Variants in EEF2 observed in about 807,000 individuals in gnomAD.
EEF2 encodes eukaryotic translation elongation factor 2.
Under a neutral mutation model 85.3 loss-of-function variants are expected in EEF2, and 21 were observed. The observed-to-expected ratio is 0.25, with a 90% CI of 0.17 to 0.35. EEF2 has a LOEUF of 0.35. Among genes scored for constraint, EEF2 ranks in the 10% least tolerant of loss-of-function variants. The pLI is 1.00. For synonymous variants in EEF2, 723 were observed against 508.8 expected, an observed-to-expected ratio of 1.42 and a Z score of -5.67; for missense variants, 825 against 1,225.3, an observed-to-expected ratio of 0.67 and a Z score of 4.88.
At position 3,982,812 on chromosome 19, in the gene EEF2, T is replaced by C. The variant is rs1365378061; in HGVS notation, c.607A>G (p.Ile203Val). ...GEGESGPMGN[I>V]MIDPVLGTVG... Reference sequence around the variant, plus strand: ...CCAGCTAGGGAGGGCCGTACCATGATGTTGCCCATGGGGCCGCTCTCGCCC... The same window carrying C: ...CCAGCTAGGGAGGGCCGTACCATGACGTTGCCCATGGGGCCGCTCTCGCCC... The change falls in exon 4 of 15, where the codon ATC (isoleucine) becomes GTC (valine). Residue 203 changes from isoleucine (I) to valine (V), a missense_variant. Physicochemically the swap from Ile to Val is conservative, Grantham distance 29. Transcript: ENST00000309311. The C allele has an allele frequency of 2.0e-5, 33 of 1,610,496 alleles. No homozygotes were observed. In the Admixed American group the frequency reaches 5.5e-4, roughly 27 times the overall value.
At chr19:3,979,698 T>G in intron 10 of EEF2, 110 bp downstream of exon 10, 2 of 1,488,508 alleles carry the variant, frequency 1.3e-6, no homozygotes, top group Non-Finnish European at 9.0e-7. Context: ...CCTCCTTTCA[T>G]GACCAGTCAC....
rs894399684 is a variant in EEF2 at position 3,979,562 on chromosome 19, G to A, written c.1606-126C>T. On this transcript the variant is annotated intron_variant, in intron 10 of 14. Transcript: ENST00000309311. ...TTTCAGGGAAGGTGCTGGGAAACTG[G>A]GACCAGCACAAACTCCTGAAGAAAT... The A allele has an allele frequency of 7.2e-6, 7 of 967,520 alleles. No homozygotes were observed. The Admixed American group carries it at 7.3e-5, about 10-fold the overall frequency. 59.9% of individuals were successfully genotyped at this position (967,520 alleles called of 1,614,324 possible). A position where few individuals can be genotyped will look rare whatever the true frequency, so the allele number is the denominator to read the frequency against.
intron 4 of EEF2, 177 bp from the exon 5 acceptor site, chr19:3,982,601 G>A (rs759476594): frequency 5.7e-6 from 6 of 1,061,406 alleles, no homozygotes; most frequent in Admixed American, 1.8e-5. Context: ...ACCACCCAGG[G>A]CAGCGTTCCC....
At chr19:3,979,490 A>ACCAGGCTC (rs1418079159) in intron 10 of EEF2, 54 bp from the exon 11 acceptor site, 2 of 1,486,076 alleles carry the variant, frequency 1.3e-6, no homozygotes, top group African/African-American at 1.4e-5. Context: ...AACAGGCGGG[A>ACCAGGCTC]CCAGGCTCCC....
Position 3,977,080 on chromosome 19 carries a change from A to T in EEF2, c.2383+135T>A. 1 of 1,328,596 alleles carries T rather than the reference A, an allele frequency of 7.5e-7. No individual in the cohort carries two copies. Among genetic ancestry groups the T allele is most frequent in the Non-Finnish European group, 1.0e-6 (1 of 985,238 alleles). The allele number at this position is 1,328,596 out of a possible 1,614,324, so 82.3% of individuals were successfully genotyped here. On this transcript the variant is annotated intron_variant, in intron 14 of 14. Coordinates refer to ENST00000309311, the MANE Select transcript of EEF2 (RefSeq NM_001961.4). The surrounding 1 kb of genome is among the most constrained non-coding windows in gnomAD (Gnocchi z 5.4). The stretch of plus-strand genomic sequence containing the variant: ...ATTTAGGGGGTCCACAAGCTGTCAG[A>T]AACTGGACCACCTGCTCCATCCATC...
In EEF2 at chr19:3,980,567, C is replaced by T. The variant is rs745557210; in HGVS notation, c.1293G>A (p.Gly431=). The change falls in exon 9 of 15, where the codon GGG becomes GGA. Residue 431 remains glycine, a synonymous_variant. Coordinates refer to ENST00000309311, the MANE Select transcript of EEF2 (RefSeq NM_001961.4). ...CCTTCTTCCCAGGGGTATAGTTGGG[C>T]CCCATGATCCTGACCTTCAGGCCAG... The part of the protein sequence containing the change: ...VSTGLKVRIM[G]PNYTPGKKED... 3.2e-5 allele frequency: 51 copies of T among 1,614,098 alleles called. No homozygotes were observed. The highest frequency in any genetic ancestry group is 4.2e-5 in the Non-Finnish European group (49 of 1,180,032).
chr19:3,983,935 A>C, intron 2 of EEF2: 1 of 610,920 alleles, frequency 1.6e-6, no homozygotes. Flanking sequence ...TCCTCAAGAA[A>C]ACCTTCCAGC....
intron 11 of EEF2, among the ~76,000 whole-genome samples, chr19:3,978,499 G>A (rs1029558422): frequency 1.3e-5 from 2 of 152,202 alleles, no homozygotes; most frequent in Admixed American, 1.3e-4. Flanking sequence ...AAGACAGCAG[G>A]ATGTAACTCA....
chr19:3,981,640 G>C (rs901975405), intron 6 of EEF2, among the ~76,000 whole-genome samples, 188 bp from the exon 7 acceptor site: 5 of 152,238 alleles, frequency 3.3e-5, no homozygotes, highest in African/African-American at 1.2e-4. Context: ...CCTCGTGGTG[G>C]AGCAGAGGAA....
Position 3,980,543 on chromosome 19 carries a change from C to T in EEF2, c.1317G>A (p.Lys439=), listed in dbSNP as rs2039732494. The T allele has an allele frequency of 3.1e-6, 5 of 1,614,072 alleles. No individual in the cohort carries two copies. Among genetic ancestry groups the T allele is most frequent in the South Asian group, 2.2e-5 (2 of 91,080 alleles). ...GGATTGGCTTCAGGTAGAGGTCCTC[C>T]TTCTTCCCAGGGGTATAGTTGGGCC... ...IMGPNYTPGK[K]EDLYLKPIQR... The change falls in exon 9 of 15, where the codon AAG becomes AAA. Residue 439 remains lysine, a synonymous_variant. Transcript: ENST00000309311.
rs375148431 is a variant in EEF2, at chr19:3,984,398, C to T, written c.4-48G>A. Reference sequence around the variant, plus strand: ...GACCAGCTCGTGATTTCCAGGAACACAGCATGGCACGGAGCGTTCAGTCCA... The same window carrying T: ...GACCAGCTCGTGATTTCCAGGAACATAGCATGGCACGGAGCGTTCAGTCCA... On this transcript the variant is annotated intron_variant, in intron 1 of 14. Coordinates refer to ENST00000309311, the MANE Select transcript of EEF2 (RefSeq NM_001961.4). 100 of 1,589,158 alleles carry T rather than the reference C, an allele frequency of 6.3e-5. No homozygotes were observed. The Admixed American group carries it at 1.7e-3, about 27-fold the overall frequency.
chr19:3,980,444 A>C (rs768740633), intron 9 of EEF2, 70 bp downstream of exon 9: 164 of 1,516,092 alleles, frequency 1.1e-4, no homozygotes, highest in Non-Finnish European at 1.4e-4. Flanking sequence ...CCGACTGAGG[A>C]GCCCAAGACT....
chr19:3,979,967 C>T lies in EEF2; in HGVS notation c.1446G>A (p.Thr482=), dbSNP rs748267250. 5.0e-6 allele frequency: 8 copies of T among 1,613,826 alleles called. No individual in the cohort carries two copies. Among genetic ancestry groups the T allele is most frequent in the African/African-American group, 1.3e-5 (1 of 74,952 alleles). The change falls in exon 10 of 15, where the codon ACG becomes ACA. Residue 482 remains threonine (T), a synonymous_variant. Coordinates refer to ENST00000309311, the MANE Select transcript of EEF2 (RefSeq NM_001961.4). ...LVGVDQFLVK[T]GTITTFEHAH... Reference sequence around the variant, plus strand: ...CGTGCTCGAAGGTGGTGATGGTGCCCGTCTTCACCAGGAACTGGTCCACGC... The same window carrying T: ...CGTGCTCGAAGGTGGTGATGGTGCCTGTCTTCACCAGGAACTGGTCCACGC...
Position 3,977,694 on chromosome 19 carries a change from C to G in EEF2, c.2068-84G>C. The G allele has an allele frequency of 6.8e-7, 1 of 1,474,364 alleles. No individual in the cohort carries two copies. Among genetic ancestry groups the G allele is most frequent in the Non-Finnish European group, 9.0e-7 (1 of 1,116,052 alleles). The allele number at this position is 1,474,364 out of a possible 1,614,324, so 91.3% of individuals were successfully genotyped here. ...ACCTGCCAAGTCCTGCAGGTCTCCACCAGGGGGACCTGGGGCCTTGCCCGC... is the reference window on the plus strand; with the variant it reads ...ACCTGCCAAGTCCTGCAGGTCTCCAGCAGGGGGACCTGGGGCCTTGCCCGC... On this transcript the variant is annotated intron_variant, in intron 12 of 14. Transcript: ENST00000309311. This position sits in a 1 kb window ranked among gnomAD's most constrained non-coding sequence, Gnocchi z 5.4.
chr19:3,980,427 C>G, intron 9 of EEF2, 87 bp downstream of exon 9: 1 of 1,465,342 alleles, frequency 6.8e-7, no homozygotes, highest in African/African-American at 1.4e-5. Flanking sequence ...CTCCTTACTT[C>G]TAGCTCCCGA....
At chr19:3,985,105 A>ACAT (rs1367358742) in intron 1 of EEF2, 10 of 388,166 alleles carry the variant, frequency 2.6e-5, no homozygotes, top group Middle Eastern at 1.3e-3. Context: ...TACGCCTGCC[A>ACAT]CATCATCATT....
Position 3,977,741 on chromosome 19 carries a change from G to A in EEF2, c.2067+78C>T. Reference sequence around the variant, plus strand: ...CCGCCTTGGCCCCATTAGGGTCTCTGTCTCGGGAGGCAGGACCATGAGGTC... The same window carrying A: ...CCGCCTTGGCCCCATTAGGGTCTCTATCTCGGGAGGCAGGACCATGAGGTC... On this transcript the variant is annotated intron_variant, in intron 12 of 14. Transcript: ENST00000309311. This position sits in a 1 kb window ranked among gnomAD's most constrained non-coding sequence, Gnocchi z 5.4. The A allele has an allele frequency of 6.7e-7, 1 of 1,494,956 alleles. No individual in the cohort carries two copies. Among genetic ancestry groups the A allele is most frequent in the Non-Finnish European group, 8.9e-7 (1 of 1,124,000 alleles). 92.6% of individuals were successfully genotyped at this position (1,494,956 alleles called of 1,614,324 possible).
rs1229126471 is a variant in EEF2, at chr19:3,977,509, G to C, written c.2169C>G (p.Pro723=). 6.3e-7 allele frequency: 1 copy of C among 1,591,852 alleles called. No individual in the cohort carries two copies. Among genetic ancestry groups the C allele is most frequent in the East Asian group, 2.2e-5 (1 of 44,532 alleles). The part of the protein sequence containing the change: ...AIHRGGGQII[P]TARRCLYASV... ...TGGCATAGAGGCAGCGCCGTGCTGTGGGGATGATCTGGCCCCCTCCGCGGT... is the reference window on the plus strand; with the variant it reads ...TGGCATAGAGGCAGCGCCGTGCTGTCGGGATGATCTGGCCCCCTCCGCGGT... Residue 723 remains proline (P), a synonymous_variant, in exon 13 of 15, where the codon CCC becomes CCG. Transcript: ENST00000309311. This position sits in a 1 kb window ranked among gnomAD's most constrained non-coding sequence, Gnocchi z 5.4.
intron 2 of EEF2, chr19:3,983,791 G>A (rs2039785467): frequency 2.6e-6 from 1 of 383,094 alleles, no homozygotes. Context: ...ATCATCCAGT[G>A]CAACACAGGA....
Sources: gnomAD v4.1 joint callset for allele counts (sites outside exome capture counted in the v4.1 genomes callset) on GRCh38, gnomAD v4.1.1 for gene constraint, Gnocchi (gnomAD v3.1) non-coding constraint, MANE v1.5 for transcripts, NCBI Gene and HGNC (gene_info 2026-07-23, HGNC 2026-07-21) for gene names.